FOXP2: variants seen among roughly 807,000 people sequenced by gnomAD.
FOXP2 encodes forkhead box protein P2.
FOXP2 carries 12 observed loss-of-function variants against 115.8 expected under a neutral mutation model. The observed-to-expected ratio is 0.10, with a 90% CI of 0.07 to 0.17. The LOEUF is 0.17. Ranked by LOEUF, FOXP2 falls within the 10% of genes least tolerant of loss-of-function variation. The pLI, the probability that FOXP2 is intolerant of heterozygous loss-of-function variation, is 1.00. For missense variants in FOXP2, 629 were observed against 843.5 expected (o/e 0.75, Z 3.15); for synonymous variants, 328 against 297.7 (o/e 1.10, Z -1.05).
chr7:114,353,132 C>G (rs1791533817), intron 2 of FOXP2, among the ~76,000 whole-genome samples: 1 of 152,064 alleles, frequency 6.6e-6, no homozygotes, highest in Non-Finnish European at 1.5e-5. Context: ...AAACTGCAAA[C>G]TTTTTCCTAT....
At chr7:114,672,404 G>A (rs1302123121) in intron 16 of FOXP2, among the ~76,000 whole-genome samples, 2 of 152,068 alleles carry the variant, frequency 1.3e-5, no homozygotes, top group Non-Finnish European at 2.9e-5. Flanking sequence ...GGCCAATGTG[G>A]CAAAACCCCG....
At chr7:114,146,248 G>A (rs1315424081) in intron 1 of FOXP2, among the ~76,000 whole-genome samples, 1 of 152,170 alleles carries the variant, frequency 6.6e-6, no homozygotes, top group Non-Finnish European at 1.5e-5. Flanking sequence ...ATGACTTTGA[G>A]CAGTAGCGTA....
intron 2 of FOXP2, among the ~76,000 whole-genome samples, chr7:114,315,228 C>A (rs1797247581): frequency 6.6e-6 from 1 of 152,100 alleles, no homozygotes; most frequent in South Asian, 2.1e-4. Flanking sequence ...AACTAATGTT[C>A]ATTAAACAAG....
At chr7:114,329,530 A>G (rs1008429509) in intron 2 of FOXP2, among the ~76,000 whole-genome samples, 1 of 118,696 alleles carries the variant, frequency 8.4e-6, no homozygotes, top group African/African-American at 3.4e-5. Flanking sequence ...GGAAAAAAAA[A>G]AAAGAAAAAA....
intron 9 of FOXP2, 120 bp downstream of exon 9, chr7:114,652,410 G>A: frequency 1.2e-6 from 1 of 802,350 alleles, no homozygotes; most frequent in Admixed American, 2.0e-5. Context: ...AATACTAATG[G>A]AGATACATGA....
chr7:114,671,553 C>A (rs537883792), intron 16 of FOXP2, among the ~76,000 whole-genome samples: 2 of 152,270 alleles, frequency 1.3e-5, no homozygotes, highest in East Asian at 3.9e-4. Flanking sequence ...GAACATACAA[C>A]TTCATTTGCA....
At chr7:114,455,095 G>C (rs928079829) in intron 2 of FOXP2, among the ~76,000 whole-genome samples, 1 of 151,768 alleles carries the variant, frequency 6.6e-6, no homozygotes, top group Non-Finnish European at 1.5e-5. Context: ...ATTCCATAGT[G>C]TATCTCTGAC....
intron 1 of FOXP2, among the ~76,000 whole-genome samples, chr7:114,154,792 TG>T (rs565556134): frequency 5.8e-4 from 89 of 152,284 alleles, no homozygotes; most frequent in African/African-American, 2.0e-3. Flanking sequence ...AAAAGACTGC[TG>T]GATTTAGGAC....
chr7:114,116,845 C>T (rs970054591), intron 1 of FOXP2, among the ~76,000 whole-genome samples: 1 of 152,022 alleles, frequency 6.6e-6, no homozygotes, highest in Non-Finnish European at 1.5e-5. Context: ...TTCAGTCTCC[C>T]GCTCTTCAAA....
intron 1 of FOXP2, among the ~76,000 whole-genome samples, chr7:114,261,532 C>T (rs1795753288): frequency 1.3e-5 from 2 of 152,158 alleles, no homozygotes; most frequent in Admixed American, 1.3e-4. Context: ...CCTAATTCAA[C>T]TGTCTTTAGA....
chr7:114,393,883 T>C lies in FOXP2; in HGVS notation c.-10-32619T>C, dbSNP rs145910871. Among the ~76,000 whole-genome samples the C allele has an allele frequency of 1.5e-4, 23 of 152,182 alleles. No homozygotes were observed. In the East Asian group the frequency reaches 4.4e-3, roughly 29 times the overall value. On this transcript the variant is annotated intron_variant, in intron 2 of 17. Transcript: ENST00000634411. ...CTTGAATGAACCTTAGTGTGTTGAA[T>C]CGGAAGGCATATTGGTGTGAACTCA...
At chr7:114,557,609 A>T (rs1302872768) in intron 3 of FOXP2, among the ~76,000 whole-genome samples, 1 of 152,110 alleles carries the variant, frequency 6.6e-6, no homozygotes, top group East Asian at 1.9e-4. Context: ...GTTTATCACA[A>T]AACTTTCCTA....
chr7:114,114,813 T>C (rs1322212277), intron 1 of FOXP2, among the ~76,000 whole-genome samples: 2 of 152,148 alleles, frequency 1.3e-5, no homozygotes, highest in Admixed American at 6.6e-5. Flanking sequence ...ATATTGAAGT[T>C]ATATCATCCT....
chr7:114,163,965 A>C (rs1584516855), intron 1 of FOXP2, among the ~76,000 whole-genome samples: 1 of 152,244 alleles, frequency 6.6e-6, no homozygotes, highest in Non-Finnish European at 1.5e-5. Flanking sequence ...CAAATTCTAC[A>C]GTAGAAAATG....
intron 3 of FOXP2, among the ~76,000 whole-genome samples, chr7:114,607,111 G>C (rs914210933): frequency 2.6e-5 from 4 of 152,130 alleles, no homozygotes; most frequent in Non-Finnish European, 4.4e-5. Context: ...AGCTACACTA[G>C]ATGAAAGCCA....
rs745780679 is a variant in FOXP2, at chr7:114,629,942, A to ACAG, written c.549_551dup (p.Gln191dup). On this transcript the variant is annotated inframe_insertion, in exon 5 of 17. Coordinates refer to ENST00000350908, the MANE Select transcript of FOXP2 (RefSeq NM_014491.4). The stretch of plus-strand genomic sequence containing the variant: ...AACAACAACAACAACAGCAGCAACA[A>ACAG]CAGCAGCAGCAGCAGCAACAGCAGC... 214 of 1,608,810 alleles carry ACAG rather than the reference A, an allele frequency of 1.3e-4. No homozygotes were observed. The East Asian group carries it at 1.9e-3, about 14-fold the overall frequency.
Position 114,202,946 on chromosome 7 carries a change from A to G in FOXP2, c.-102+39858A>G, listed in dbSNP as rs1794106947. Among the ~76,000 whole-genome samples, 11 of 152,244 alleles carry G rather than the reference A, an allele frequency of 7.2e-5. No homozygotes were observed. In the South Asian group the frequency reaches 2.1e-3, roughly 29 times the overall value. Reference sequence around the variant, plus strand: ...CTTCCATTTTCCTGGCTACTAAAAAATGTTTTCTACTATTTTCATATCCCC... The same window carrying G: ...CTTCCATTTTCCTGGCTACTAAAAAGTGTTTTCTACTATTTTCATATCCCC... On this transcript the variant is annotated intron_variant, in intron 1 of 17. Transcript: ENST00000634411.
intron 2 of FOXP2, among the ~76,000 whole-genome samples, chr7:114,309,766 C>T (rs549061499): frequency 2.6e-5 from 4 of 151,754 alleles, no homozygotes; most frequent in Non-Finnish European, 5.9e-5. Context: ...CTTGGGCTCA[C>T]GTGATCCTCC....
chr7:114,286,795 C>T (rs1011726935), intron 1 of FOXP2, among the ~76,000 whole-genome samples: 1 of 152,010 alleles, frequency 6.6e-6, no homozygotes, highest in Non-Finnish European at 1.5e-5. Flanking sequence ...GCTTTGTGAA[C>T]ACCAAAAGTA....
Sources: allele counts gnomAD v4.1 joint callset (sites outside exome capture counted in the v4.1 genomes callset), GRCh38; gene constraint gnomAD v4.1.1; transcripts MANE v1.5; gene names NCBI Gene and HGNC (gene_info 2026-07-23, HGNC 2026-07-21).